The following PALD1 variants were observed in gnomAD, a reference collection of about 807,000 sequenced individuals.
PALD1 encodes the protein paladin.
PALD1 carries 57 observed loss-of-function variants against 96.0 expected under a neutral mutation model. That is an observed-to-expected ratio of 0.59 (90% CI 0.48 to 0.74). PALD1 has a LOEUF of 0.74. Among genes scored for constraint, PALD1 ranks in the 30% least tolerant of loss-of-function variants. The pLI is 0.00. For synonymous variants in PALD1, 464 were observed against 473.6 expected (o/e 0.98, Z 0.26); for missense variants, 1,063 against 1,143.7 (o/e 0.93, Z 1.02).
intron 1 of PALD1, among the ~76,000 whole-genome samples, chr10:70,520,685 C>CTTTTTTTTTTTT (rs10545684): frequency 1.4e-4 from 12 of 87,672 alleles, no homozygotes; most frequent in East Asian, 8.5e-4. Context: ...TTCTTTCTTT[C>CTTTTTTTTTTTT]TTTTTTTTTT....
chr10:70,495,612 G>C, intron 1 of PALD1, among the ~76,000 whole-genome samples: 1 of 152,306 alleles, frequency 6.6e-6, no homozygotes, highest in African/African-American at 2.4e-5. Context: ...GCACAAGGAA[G>C]CTTAAGAGGT....
At chr10:70,496,140 G>A (rs1025633356) in intron 1 of PALD1, among the ~76,000 whole-genome samples, 7 of 151,992 alleles carry the variant, frequency 4.6e-5, no homozygotes, top group African/African-American at 1.7e-4. Context: ...CTGGTCTTTC[G>A]GACTCCCAGC....
At chr10:70,534,879 TC>T in intron 10 of PALD1, 36 bp downstream of exon 10, 1 of 1,364,410 alleles carries the variant, frequency 7.3e-7, no homozygotes. Context: ...ACTCTGCTTC[TC>T]TGTGAGCCCT....
chr10:70,534,934 T>C, intron 10 of PALD1, 91 bp downstream of exon 10: 1 of 871,586 alleles, frequency 1.1e-6, no homozygotes, highest in South Asian at 1.4e-5. Context: ...TCTTTCAGAC[T>C]GACTTTTTCT....
chr10:70,566,732 A>AG lies in PALD1; in HGVS notation c.*4dup, dbSNP rs1283654036. Residue 857 remains the stop codon, a frameshift_variant and stop_retained_variant, in exon 20 of 20, where the codon TAG becomes TAGG. Transcript: ENST00000263563. LOFTEE classifies it high-confidence loss of function. ...LEPSAPEDLL[*] ...CCCTCTGCCCCCGAGGACTTGCTGTAGGGGGCCTTACTCCCTGTCCCCCCA... is the reference window on the plus strand; with the variant it reads ...CCCTCTGCCCCCGAGGACTTGCTGTAGGGGGGCCTTACTCCCTGTCCCCCCA... The AG allele has an allele frequency of 1.3e-6, 2 of 1,585,508 alleles. No homozygotes were observed. Among genetic ancestry groups the AG allele is most frequent in the Non-Finnish European group, 1.7e-6 (2 of 1,167,064 alleles).
At chr10:70,549,267 G>T (rs549261682) in intron 18 of PALD1, among the ~76,000 whole-genome samples, 2 of 152,286 alleles carry the variant, frequency 1.3e-5, no homozygotes, top group South Asian at 4.1e-4. Context: ...ACTTTCAGAG[G>T]ATGCTGAGAG....
rs535516644 is a variant in PALD1, at chr10:70,512,472, T to G, written c.-29-13451T>G. ...GGGGCTGAGCCCGAGGGAGAAAGGC[T>G]TTAGAGGTGTTAGCAGACAGCTCAG... On this transcript the variant is annotated intron_variant, in intron 1 of 19. Coordinates refer to ENST00000263563, the MANE Select transcript of PALD1 (RefSeq NM_014431.3). Among the ~76,000 whole-genome samples the G allele has an allele frequency of 2.0e-5, 3 of 152,130 alleles. No homozygotes were observed. The South Asian group carries it at 6.2e-4, about 32-fold the overall frequency.
At chr10:70,477,627 G>A (rs1325881914), upstream of PALD1, among the ~76,000 whole-genome samples, 3 of 152,180 alleles carry the variant, frequency 2.0e-5, no homozygotes, top group Non-Finnish European at 4.4e-5. Flanking sequence ...AGGTGCTAGG[G>A]ACATGGTGAG....
chr10:70,464,556 G>C, the PALD1 span, among the ~76,000 whole-genome samples: 1 of 151,280 alleles, frequency 6.6e-6, no homozygotes, highest in African/African-American at 2.4e-5. Flanking sequence ...GTTCATCCAT[G>C]ATGTTGCTTT....
intron 1 of PALD1, among the ~76,000 whole-genome samples, chr10:70,508,592 G>A (rs1273040716): frequency 6.6e-6 from 1 of 152,216 alleles, no homozygotes; most frequent in Non-Finnish European, 1.5e-5. Context: ...CATAGAGAGT[G>A]AGGAGCAGGA....
chr10:70,538,640 A>G (rs1847165041), intron 12 of PALD1, among the ~76,000 whole-genome samples: 1 of 151,972 alleles, frequency 6.6e-6, no homozygotes, highest in African/African-American at 2.4e-5. Flanking sequence ...CAAACCCAAG[A>G]GCTCTGGGCA....
intron 1 of PALD1, among the ~76,000 whole-genome samples, chr10:70,511,080 G>A (rs76446987): frequency 0.025 from 3,730 of 152,228 alleles, 63 homozygotes; most frequent in Non-Finnish European, 0.037. Context: ...AGGGAAACTT[G>A]ACATTCTCCT....
At chr10:70,545,144 C>T (rs1372420614) in intron 17 of PALD1, among the ~76,000 whole-genome samples, 1 of 150,574 alleles carries the variant, frequency 6.6e-6, no homozygotes, top group East Asian at 2.0e-4. Flanking sequence ...GGCTGTCGAC[C>T]ACGGGACAGG....
intron 1 of PALD1, among the ~76,000 whole-genome samples, chr10:70,514,286 T>TGCCCCCCGCAGTGGCA (rs1185354583): frequency 2.6e-5 from 4 of 152,168 alleles, no homozygotes; most frequent in Non-Finnish European, 5.9e-5. Flanking sequence ...AAGTCAGGGC[T>TGCCCCCCGCAGTGGCA]GCCCCCCGCA....
At chr10:70,509,253 G>A (rs1846466002) in intron 1 of PALD1, among the ~76,000 whole-genome samples, 1 of 152,212 alleles carries the variant, frequency 6.6e-6, no homozygotes. Context: ...GGAGGAATGA[G>A]GGAGTGGCAG....
At chr10:70,557,549 T>C (rs1422232908) in intron 18 of PALD1, among the ~76,000 whole-genome samples, 1 of 152,212 alleles carries the variant, frequency 6.6e-6, no homozygotes, top group African/African-American at 2.4e-5. Flanking sequence ...TGGTAGGGAT[T>C]GAGGGCAATT....
intron 19 of PALD1, among the ~76,000 whole-genome samples, chr10:70,565,681 A>G (rs1280496987): frequency 6.6e-6 from 1 of 152,098 alleles, no homozygotes; most frequent in Non-Finnish European, 1.5e-5. Context: ...GGTGCATGTG[A>G]TGTGTGTTGA....
chr10:70,487,443 T>C (rs531791397), intron 1 of PALD1, among the ~76,000 whole-genome samples: 13 of 151,934 alleles, frequency 8.6e-5, no homozygotes, highest in Admixed American at 3.9e-4. Context: ...GTGCCCAATT[T>C]TCTCACCTGC....
intron 1 of PALD1, among the ~76,000 whole-genome samples, chr10:70,525,260 C>T (rs1846832304): frequency 6.6e-6 from 1 of 152,028 alleles, no homozygotes. Context: ...GATCTGCCTG[C>T]CTCAGCCTCC....
Sources: allele counts gnomAD v4.1 joint callset (sites outside exome capture counted in the v4.1 genomes callset), GRCh38; gene constraint gnomAD v4.1.1; transcripts MANE v1.5; gene names NCBI Gene and HGNC (gene_info 2026-07-23, HGNC 2026-07-21).